The following SDCCAG8 variants were observed in gnomAD, a reference collection of about 807,000 sequenced individuals.
The protein encoded by SDCCAG8 is SHH signaling and ciliogenesis regulator SDCCAG8.
SDCCAG8 carries 74 observed loss-of-function variants against 101.8 expected under a neutral mutation model. The ratio of observed to expected loss-of-function variants is 0.73; its 90% CI spans 0.60 to 0.88. SDCCAG8 has a LOEUF of 0.88. SDCCAG8 is among the 40% of genes least tolerant of loss of function. SDCCAG8 has a pLI of 0.00. For synonymous variants in SDCCAG8, 281 were observed against 292.9 expected (o/e 0.96, Z 0.41); for missense variants, 787 against 822.6 (o/e 0.96, Z 0.53).
At chr1:243,296,514 C>T (rs2070894762) in intron 6 of SDCCAG8, among the ~76,000 whole-genome samples, 1 of 143,094 alleles carries the variant, frequency 7.0e-6, no homozygotes, top group South Asian at 2.2e-4. Context: ...CTTCGTCCCC[C>T]TGTAGTCCAC....
intron 4 of SDCCAG8, among the ~76,000 whole-genome samples, chr1:243,279,195 G>A (rs1382243888): frequency 6.6e-6 from 1 of 152,004 alleles, no homozygotes; most frequent in Admixed American, 6.6e-5. Context: ...GATCTTAGTG[G>A]GAAACTACTT....
chr1:243,481,824 C>G (rs3006919), intron 16 of SDCCAG8, among the ~76,000 whole-genome samples: 6,484 of 152,232 alleles, frequency 0.043, 496 homozygotes, highest in African/African-American at 0.15. Flanking sequence ...ACAACTAAAA[C>G]CTTCCACTGT....
intron 8 of SDCCAG8, among the ~76,000 whole-genome samples, chr1:243,310,347 T>A (rs2072603500): frequency 6.6e-6 from 1 of 152,144 alleles, no homozygotes; most frequent in African/African-American, 2.4e-5. Flanking sequence ...GCTAGGAGAT[T>A]TAAGAACATC....
intron 16 of SDCCAG8, among the ~76,000 whole-genome samples, chr1:243,482,501 T>TG (rs1663942358): frequency 6.6e-6 from 1 of 152,198 alleles, no homozygotes; most frequent in African/African-American, 2.4e-5. Context: ...TACCCCTGCA[T>TG]GGGGCAGCTG....
chr1:243,404,719 G>A (rs1164557461), intron 13 of SDCCAG8, among the ~76,000 whole-genome samples: 2 of 152,110 alleles, frequency 1.3e-5, no homozygotes, highest in African/African-American at 4.8e-5. Flanking sequence ...GCCAAGTCAA[G>A]GTTACTAGTC....
At chr1:243,427,551 G>A (rs553267049) in intron 16 of SDCCAG8, among the ~76,000 whole-genome samples, 56 of 152,014 alleles carry the variant, frequency 3.7e-4, no homozygotes, top group Non-Finnish European at 7.5e-4. Context: ...CCTCCAGCTC[G>A]GCATCCCCAC....
At chr1:243,481,388 C>T (rs768374270) in intron 16 of SDCCAG8, among the ~76,000 whole-genome samples, 121 of 152,202 alleles carry the variant, frequency 7.9e-4, no homozygotes, top group Non-Finnish European at 9.0e-4. Context: ...GGCAAATGAT[C>T]GCTTCTCTGC....
At position 243,416,402 on chromosome 1, in the gene SDCCAG8, T is replaced by C. The variant is rs553697987; in HGVS notation, c.1744+573T>C. ...GTGGCTCCAAATTGATATGTTCCTT[T>C]ATTTAATCTTTGCAGCTTCGAACAT... is the stretch of plus-strand genomic sequence containing the variant. On this transcript the variant is annotated intron_variant, in intron 14 of 17. Coordinates refer to ENST00000366541, the MANE Select transcript of SDCCAG8 (RefSeq NM_006642.5). This position sits in a 1 kb window ranked among gnomAD's most constrained non-coding sequence, Gnocchi z 4.3. 5.3e-5 allele frequency among the ~76,000 whole-genome samples: 8 copies of C among 152,340 alleles called. No homozygotes were observed. Among genetic ancestry groups the C allele is most frequent in the African/African-American group, 1.9e-4 (8 of 41,594 alleles).
chr1:243,376,676 A>G (rs557257436), intron 12 of SDCCAG8, among the ~76,000 whole-genome samples: 1 of 151,920 alleles, frequency 6.6e-6, no homozygotes, highest in East Asian at 1.9e-4. Flanking sequence ...TGGTCTTCTG[A>G]TTCCTCTCCT....
At chr1:243,268,077 G>C (rs181395288) in intron 1 of SDCCAG8, 3 of 746,910 alleles carry the variant, frequency 4.0e-6, no homozygotes, top group Non-Finnish European at 7.4e-6. Context: ...CTAAGCGTTT[G>C]CTTCATGGTT....
intron 8 of SDCCAG8, among the ~76,000 whole-genome samples, chr1:243,312,655 A>C (rs1233489097): frequency 6.6e-6 from 1 of 151,658 alleles, no homozygotes; most frequent in East Asian, 1.9e-4. Flanking sequence ...GCAGTGAGCC[A>C]AGATTGCGCC....
intron 16 of SDCCAG8, among the ~76,000 whole-genome samples, chr1:243,470,591 A>G (rs1447444333): frequency 6.6e-6 from 1 of 151,820 alleles, no homozygotes; most frequent in Non-Finnish European, 1.5e-5. Context: ...GGTGTCAACA[A>G]TCTTTGCTCA....
intron 16 of SDCCAG8, among the ~76,000 whole-genome samples, chr1:243,435,676 C>T (rs933633156): frequency 1.3e-5 from 2 of 151,954 alleles, no homozygotes; most frequent in Admixed American, 6.6e-5. Context: ...ATTTATGGAA[C>T]GACATTTTGG....
At chr1:243,261,481 C>G (rs540221437) in intron 1 of SDCCAG8, among the ~76,000 whole-genome samples, 1 of 152,236 alleles carries the variant, frequency 6.6e-6, no homozygotes, top group South Asian at 2.1e-4. Flanking sequence ...TCAAGAAAAC[C>G]AAAGATAAGG....
At chr1:243,421,170 A>G (rs2080971108) in intron 15 of SDCCAG8, among the ~76,000 whole-genome samples, 1 of 152,212 alleles carries the variant, frequency 6.6e-6, no homozygotes, top group African/African-American at 2.4e-5. Flanking sequence ...TTTATTTTGT[A>G]TTGAGCAATA....
intron 10 of SDCCAG8, among the ~76,000 whole-genome samples, chr1:243,336,674 G>T (rs1266893980): frequency 6.6e-6 from 1 of 152,166 alleles, no homozygotes; most frequent in Non-Finnish European, 1.5e-5. Context: ...CCTCCCACCA[G>T]GCCCCCCTCC....
In SDCCAG8 at chr1:243,294,473, TG is replaced by T. The variant is rs748640257; in HGVS notation, c.675+1264del. Among the ~76,000 whole-genome samples the T allele has an allele frequency of 5.8e-4, 55 of 94,908 alleles. 1 individual carries two copies. Among genetic ancestry groups the T allele is most frequent in the Middle Eastern group, 0.012 (2 of 162 alleles). 62.3% of individuals were successfully genotyped at this position (94,908 alleles called of 152,430 possible). A position where few individuals can be genotyped will look rare whatever the true frequency, so the allele number is the denominator to read the frequency against. Reference sequence around the variant, plus strand: ...AACACCCTCCACTCCCCCCAAAAGGTGGGGGGGGGGAGAGAGAGAGAGAGAG... The same window carrying T: ...AACACCCTCCACTCCCCCCAAAAGGTGGGGGGGGGAGAGAGAGAGAGAGAG... On this transcript the variant is annotated intron_variant, in intron 6 of 17. Coordinates refer to ENST00000366541, the MANE Select transcript of SDCCAG8 (RefSeq NM_006642.5).
chr1:243,374,050 A>C (rs1394619403), intron 12 of SDCCAG8, among the ~76,000 whole-genome samples: 1 of 152,118 alleles, frequency 6.6e-6, no homozygotes, highest in East Asian at 1.9e-4. Context: ...TTATATTCAT[A>C]GATTAAAATT....
chr1:243,451,647 A>T (rs775158548), intron 16 of SDCCAG8, among the ~76,000 whole-genome samples: 1 of 152,160 alleles, frequency 6.6e-6, no homozygotes, highest in African/African-American at 2.4e-5. Flanking sequence ...AATTTAAGCC[A>T]GGCCCGATGG....
Sources: gnomAD v4.1 joint callset for allele counts (sites outside exome capture counted in the v4.1 genomes callset) on GRCh38, gnomAD v4.1.1 for gene constraint, Gnocchi (gnomAD v3.1) non-coding constraint, MANE v1.5 for transcripts, NCBI Gene and HGNC (gene_info 2026-07-23, HGNC 2026-07-21) for gene names.